SEMA6D: variants seen among roughly 807,000 people sequenced by gnomAD.
SEMA6D encodes the protein semaphorin 6D.
Under a neutral mutation model 106.6 loss-of-function variants are expected in SEMA6D, and 35 were observed. The observed-to-expected ratio is 0.33, with a 90% CI of 0.25 to 0.44. The LOEUF is 0.44. Ranked by LOEUF, SEMA6D falls within the 20% of genes least tolerant of loss-of-function variation. The probability of loss-of-function intolerance (pLI) is 1.00; values close to 1 mark genes in which losing one functional copy is unlikely to be tolerated. For synonymous variants in SEMA6D, 499 were observed against 487.7 expected, an observed-to-expected ratio of 1.02 and a Z score of -0.31; for missense variants, 1,185 against 1,345.9, an observed-to-expected ratio of 0.88 and a Z score of 1.87.
intron 2 of SEMA6D, among the ~76,000 whole-genome samples, chr15:47,452,451 GAATA>G (rs2042223051): frequency 6.6e-6 from 1 of 151,788 alleles, no homozygotes; most frequent in Non-Finnish European, 1.5e-5. Context: ...TTACATAGAA[GAATA>G]AATATTTATT....
intron 1 of SEMA6D, among the ~76,000 whole-genome samples, chr15:47,380,035 C>T (rs1347427775): frequency 1.3e-5 from 2 of 152,254 alleles, no homozygotes; most frequent in South Asian, 2.1e-4. Flanking sequence ...GGATTACAGG[C>T]GTGAGCCACC....
chr15:47,652,519 C>T (rs999127514), intron 4 of SEMA6D, among the ~76,000 whole-genome samples: 2 of 152,094 alleles, frequency 1.3e-5, no homozygotes, highest in Non-Finnish European at 2.9e-5. Context: ...TCCAATTTCC[C>T]GAGAGTGTTA....
At chr15:47,628,829 T>A (rs927888517) in intron 4 of SEMA6D, among the ~76,000 whole-genome samples, 5 of 152,096 alleles carry the variant, frequency 3.3e-5, no homozygotes, top group African/African-American at 1.2e-4. Flanking sequence ...AATTCAAGGT[T>A]TGGAAAACTT....
At chr15:47,607,316 C>T (rs2076801843) in intron 4 of SEMA6D, among the ~76,000 whole-genome samples, 10 of 152,160 alleles carry the variant, frequency 6.6e-5, no homozygotes, top group Admixed American at 6.5e-4. Context: ...GATCATATAA[C>T]TAACAAGCAG....
chr15:47,662,866 C>CACAT, intron 4 of SEMA6D, among the ~76,000 whole-genome samples: 1 of 151,246 alleles, frequency 6.6e-6, no homozygotes, highest in East Asian at 1.9e-4. Flanking sequence ...CGCACACACA[C>CACAT]ACACACACAC....
chr15:47,410,551 G>A (rs2040756631), intron 1 of SEMA6D, among the ~76,000 whole-genome samples: 1 of 152,134 alleles, frequency 6.6e-6, no homozygotes, highest in South Asian at 2.1e-4. Flanking sequence ...ATAATACAAG[G>A]GGCTGGCTAA....
chr15:47,562,514 A>C (rs1476714144), intron 3 of SEMA6D, among the ~76,000 whole-genome samples: 3 of 152,104 alleles, frequency 2.0e-5, no homozygotes, highest in African/African-American at 7.2e-5. Flanking sequence ...ACTGAGAAAA[A>C]TGTATTTGCA....
chr15:47,741,713 T>TA (rs914365616), intron 1 of SEMA6D, among the ~76,000 whole-genome samples: 33 of 146,130 alleles, frequency 2.3e-4, no homozygotes, highest in East Asian at 4.0e-4. Context: ...AAACTCCATC[T>TA]AAAAAAAAAA....
chr15:47,218,852 G>A (rs781592299), intron 1 of SEMA6D, among the ~76,000 whole-genome samples: 1 of 152,172 alleles, frequency 6.6e-6, no homozygotes, highest in Non-Finnish European at 1.5e-5. Context: ...GGCTCAGGGA[G>A]GTTAAGTAAC....
At chr15:47,606,998 C>T (rs1596426235) in intron 4 of SEMA6D, among the ~76,000 whole-genome samples, 1 of 152,038 alleles carries the variant, frequency 6.6e-6, no homozygotes, top group Non-Finnish European at 1.5e-5. Flanking sequence ...CCTTAAGATC[C>T]AAGAATCAAG....
chr15:47,563,097 A>G (rs1485602954), intron 3 of SEMA6D, among the ~76,000 whole-genome samples: 1 of 152,204 alleles, frequency 6.6e-6, no homozygotes, highest in Non-Finnish European at 1.5e-5. Context: ...CATAATGTGT[A>G]ATTTCATGTA....
intron 1 of SEMA6D, among the ~76,000 whole-genome samples, chr15:47,738,692 G>T (rs1464283698): frequency 6.6e-6 from 1 of 152,148 alleles, no homozygotes; most frequent in Non-Finnish European, 1.5e-5. Flanking sequence ...AGTGCTGAGG[G>T]GATCCAGGGA....
At chr15:47,300,485 G>A (rs1012285583) in intron 1 of SEMA6D, among the ~76,000 whole-genome samples, 5 of 152,056 alleles carry the variant, frequency 3.3e-5, no homozygotes, top group East Asian at 1.9e-4. Flanking sequence ...AAATAAAAAC[G>A]TGAATAAAAC....
intron 1 of SEMA6D, among the ~76,000 whole-genome samples, chr15:47,237,068 A>G (rs770114085): frequency 1.3e-5 from 2 of 152,158 alleles, no homozygotes; most frequent in Non-Finnish European, 2.9e-5. Flanking sequence ...GTTCTTGAAC[A>G]AGTTTTATTA....
intron 4 of SEMA6D, among the ~76,000 whole-genome samples, chr15:47,685,518 C>T (rs1334179841): frequency 6.6e-6 from 1 of 152,168 alleles, no homozygotes; most frequent in Non-Finnish European, 1.5e-5. Context: ...GGAATTTGTG[C>T]ACTGGGTCCA....
At chr15:47,447,762 C>CT (rs1359784457) in intron 2 of SEMA6D, among the ~76,000 whole-genome samples, 1 of 152,130 alleles carries the variant, frequency 6.6e-6, no homozygotes, top group Non-Finnish European at 1.5e-5. Context: ...GTTAGGAGCA[C>CT]AGGCAAAATA....
intron 2 of SEMA6D, among the ~76,000 whole-genome samples, chr15:47,438,404 C>T (rs1165621571): frequency 6.6e-6 from 1 of 152,104 alleles, no homozygotes; most frequent in African/African-American, 2.4e-5. Flanking sequence ...TACTTCTCTA[C>T]TGAAAATCCC....
chr15:47,382,428 A>G lies in SEMA6D; in HGVS notation c.-238-29965A>G, dbSNP rs563053611. On this transcript the variant is annotated intron_variant, in intron 1 of 19. Transcript: ENST00000558014. ...CTGCTGAGGCAGCAGAATGACGTGA[A>G]CTCAGGAGGTGGAGGTTGCAGTGAG... Among the ~76,000 whole-genome samples, 7 of 152,210 alleles carry G rather than the reference A, an allele frequency of 4.6e-5. No individual in the cohort carries two copies. The South Asian group carries it at 1.5e-3, about 32-fold the overall frequency.
chr15:47,743,233 A>C (rs1432833352), intron 1 of SEMA6D, among the ~76,000 whole-genome samples: 3 of 152,222 alleles, frequency 2.0e-5, no homozygotes, highest in Non-Finnish European at 4.4e-5. Flanking sequence ...TACCGGAAAT[A>C]CTGCTGCATA....
Sources: gnomAD v4.1 joint callset for allele counts (sites outside exome capture counted in the v4.1 genomes callset) on GRCh38, gnomAD v4.1.1 for gene constraint, MANE v1.5 for transcripts, NCBI Gene and HGNC (gene_info 2026-07-23, HGNC 2026-07-21) for gene names.